RANBP2: variants seen among roughly 807,000 people sequenced by gnomAD.
The protein encoded by RANBP2 is RAN binding protein 2.
In RANBP2, 57 loss-of-function variants were observed where a neutral mutation model predicts 303.6. The ratio of observed to expected loss-of-function variants is 0.19; its 90% CI spans 0.15 to 0.23. The LOEUF is 0.23. RANBP2 is among the 10% of genes least tolerant of loss of function. The probability of loss-of-function intolerance (pLI) is 1.00; values close to 1 mark genes in which losing one functional copy is unlikely to be tolerated. For missense variants in RANBP2, 3,138 were observed against 3,780.8 expected (o/e 0.83, Z 4.46); for synonymous variants, 1,167 against 1,301.5 (o/e 0.90, Z 2.23).
At chr2:109,424,357 GA>G in the RANBP2 span, among the ~76,000 whole-genome samples, 1 of 152,224 alleles carries the variant, frequency 6.6e-6, no homozygotes, top group Non-Finnish European at 1.5e-5. Context: ...CTTCAGAGGG[GA>G]CCCAGGCTGG....
the RANBP2 span, among the ~76,000 whole-genome samples, chr2:109,623,252 G>A: frequency 6.6e-6 from 1 of 152,268 alleles, no homozygotes; most frequent in South Asian, 2.1e-4. Context: ...AATCCCTAGT[G>A]GCCTCTTCCT....
At chr2:108,747,607 G>T (rs1696615561) in intron 8 of RANBP2, among the ~76,000 whole-genome samples, 1 of 151,608 alleles carries the variant, frequency 6.6e-6, no homozygotes, top group South Asian at 2.1e-4. Flanking sequence ...TTCTACCCTT[G>T]CAGGGCTCTC....
chr2:109,737,770 T>C, the RANBP2 span, among the ~76,000 whole-genome samples: 1 of 152,166 alleles, frequency 6.6e-6, no homozygotes, highest in Admixed American at 6.5e-5. Context: ...AATAGCTATC[T>C]TAACTGGGGT....
chr2:109,507,055 G>A, the RANBP2 span, among the ~76,000 whole-genome samples: 1 of 152,210 alleles, frequency 6.6e-6, no homozygotes, highest in Non-Finnish European at 1.5e-5. Flanking sequence ...AGTGGAGACT[G>A]TCCAGGAGTG....
chr2:109,411,509 G>C, the RANBP2 span, among the ~76,000 whole-genome samples: 1 of 152,218 alleles, frequency 6.6e-6, no homozygotes. Flanking sequence ...GCAAATTGCT[G>C]CTCGTTTGCA....
At chr2:108,728,136 A>G (rs2557928) in intron 1 of RANBP2, among the ~76,000 whole-genome samples, 3 of 152,182 alleles carry the variant, frequency 2.0e-5, no homozygotes, top group Admixed American at 6.5e-5. Context: ...CATGGTAGGA[A>G]AAGAGATTTC....
At chr2:109,254,782 C>A in the RANBP2 span, among the ~76,000 whole-genome samples, 3 of 152,082 alleles carry the variant, frequency 2.0e-5, no homozygotes, top group Non-Finnish European at 4.4e-5. Context: ...GCCCCATGAG[C>A]GCTCCAGTTA....
At chr2:109,331,603 A>G in the RANBP2 span, among the ~76,000 whole-genome samples, 4 of 152,090 alleles carry the variant, frequency 2.6e-5, no homozygotes, top group African/African-American at 7.2e-5. Context: ...TCACTATACT[A>G]CGTACTTTTA....
chr2:109,417,612 G>T, the RANBP2 span, among the ~76,000 whole-genome samples: 3 of 152,202 alleles, frequency 2.0e-5, no homozygotes, highest in African/African-American at 4.8e-5. Flanking sequence ...GAAAATCAAA[G>T]GTTTTTCTCA....
At chr2:109,153,997 A>G in the RANBP2 span, among the ~76,000 whole-genome samples, 43 of 152,356 alleles carry the variant, frequency 2.8e-4, no homozygotes, top group South Asian at 6.6e-3. Context: ...GCGGCAGCCA[A>G]GTGACCTGGT....
At chr2:109,148,091 G>C in the RANBP2 span, among the ~76,000 whole-genome samples, 3 of 152,186 alleles carry the variant, frequency 2.0e-5, no homozygotes, top group African/African-American at 7.2e-5. Flanking sequence ...ATCTGGCTGG[G>C]CTGCCAGCCG....
the RANBP2 span, among the ~76,000 whole-genome samples, chr2:109,571,063 GTTGT>G: frequency 6.6e-6 from 1 of 151,970 alleles, no homozygotes; most frequent in South Asian, 2.1e-4. Context: ...ACGAGATCTG[GTTGT>G]TTAAAAGTGT....
the RANBP2 span, chr2:108,885,339 T>C: frequency 2.6e-5 from 4 of 152,236 alleles, no homozygotes; most frequent in Non-Finnish European, 4.4e-5. Context: ...GAAAAAGTTA[T>C]TGAGCATGTG....
the RANBP2 span, among the ~76,000 whole-genome samples, chr2:108,899,176 AAAAC>A: frequency 0.14 from 20,831 of 152,198 alleles, 2,538 homozygotes; most frequent in African/African-American, 0.33. Flanking sequence ...CAGCCAAAGA[AAAAC>A]AACGCCTGAC....
At chr2:108,976,793 A>AT in the RANBP2 span, among the ~76,000 whole-genome samples, 181 of 151,022 alleles carry the variant, frequency 1.2e-3, 1 homozygote, top group African/African-American at 3.7e-3. Flanking sequence ...ACATACTACC[A>AT]TTTTTTTTTC....
chr2:109,438,933 T>G, the RANBP2 span, among the ~76,000 whole-genome samples: 1 of 152,172 alleles, frequency 6.6e-6, no homozygotes, highest in Non-Finnish European at 1.5e-5. Flanking sequence ...TACAAATGTT[T>G]CCACATGCAC....
the RANBP2 span, among the ~76,000 whole-genome samples, chr2:108,952,426 A>G: frequency 6.6e-6 from 1 of 152,226 alleles, no homozygotes; most frequent in Non-Finnish European, 1.5e-5. Flanking sequence ...AAAATACTCT[A>G]TTATGCAGAT....
chr2:109,368,708 TAAAAA>T, the RANBP2 span, among the ~76,000 whole-genome samples: 1 of 136,810 alleles, frequency 7.3e-6, no homozygotes, highest in African/African-American at 2.7e-5. Context: ...GTATTTTCTT[TAAAAA>T]AAAAAAAAAA....
Position 108,719,670 on chromosome 2 carries a change from C to T in RANBP2, c.64C>T (p.Pro22Ser), listed in dbSNP as rs766291244. 1.2e-6 allele frequency: 2 copies of T among 1,605,400 alleles called. No homozygotes were observed. The highest frequency in any genetic ancestry group is 1.7e-5 in the Admixed American group (1 of 58,942). The stretch of plus-strand genomic sequence containing the variant: ...CTCGGTGCAGGGCTCCACCCCGTCG[C>T]CTCGACAGGTGAGTGGGTCTCGAAG... ...IASVQGSTPS[P>S]RQKSMKGFYF... Residue 22 changes from proline (P) to serine (S), a missense_variant, in exon 1 of 29, where the codon CCT (proline) becomes TCT (serine). Coordinates refer to ENST00000283195, the MANE Select transcript of RANBP2 (RefSeq NM_006267.5).
Sources: gnomAD v4.1 joint callset for allele counts (sites outside exome capture counted in the v4.1 genomes callset) on GRCh38, gnomAD v4.1.1 for gene constraint, MANE v1.5 for transcripts, NCBI Gene and HGNC (gene_info 2026-07-23, HGNC 2026-07-21) for gene names.